Variants in ATP9A observed in about 807,000 individuals in gnomAD.
ATP9A encodes probable phospholipid-transporting ATPase IIA.
In ATP9A, 52 loss-of-function variants were observed where a neutral mutation model predicts 144.1. That is an observed-to-expected ratio of 0.36 (90% confidence interval 0.29 to 0.45). The LOEUF (loss-of-function observed/expected upper bound fraction) is 0.45, where lower values mean the gene tolerates loss of function less well. ATP9A is among the 20% of genes least tolerant of loss of function. ATP9A has a pLI of 1.00. For missense variants in ATP9A, 947 were observed against 1,392.7 expected, an observed-to-expected ratio of 0.68 and a Z score of 5.09; for synonymous variants, 582 against 557.4, an observed-to-expected ratio of 1.04 and a Z score of -0.62.
chr20:51,629,296 A>G (rs1427854660), intron 15 of ATP9A, among the ~76,000 whole-genome samples: 2 of 152,270 alleles, frequency 1.3e-5, no homozygotes, highest in African/African-American at 2.4e-5. Flanking sequence ...ATGATGAAAG[A>G]AAGATCAAAT....
chr20:51,608,584 G>A lies in ATP9A; in HGVS notation c.2679C>T (p.Val893=). The A allele has an allele frequency of 6.2e-7, 1 of 1,613,688 alleles. No homozygotes were observed. The highest frequency in any genetic ancestry group is 1.1e-5 in the South Asian group (1 of 91,066). ...CTTCCGATTTGACATCTTTGTCCAGGACCAGAGAAAACACAGGAAACATGG... is the reference window on the plus strand; with the variant it reads ...CTTCCGATTTGACATCTTTGTCCAGAACCAGAGAAAACACAGGAAACATGG... ...IYTMFPVFSL[V]LDKDVKSEVA... is the part of the protein sequence containing the mutation. Residue 893 remains valine, a synonymous_variant, in exon 25 of 28, where the codon GTC becomes GTT. Transcript: ENST00000338821.
chr20:51,753,271 CCT>C (rs1456939809), intron 1 of ATP9A, among the ~76,000 whole-genome samples: 1 of 151,972 alleles, frequency 6.6e-6, no homozygotes, highest in Non-Finnish European at 1.5e-5. Flanking sequence ...ATGGCAAAAC[CCT>C]GTCTCTATTA....
chr20:51,606,020 A>G (rs1568781683), intron 26 of ATP9A, among the ~76,000 whole-genome samples: 1 of 152,228 alleles, frequency 6.6e-6, no homozygotes, highest in Non-Finnish European at 1.5e-5. Flanking sequence ...CTGTAATCCC[A>G]ACACTTTGGG....
chr20:51,741,053 A>T (rs1242588115), intron 1 of ATP9A, among the ~76,000 whole-genome samples: 2 of 151,534 alleles, frequency 1.3e-5, no homozygotes, highest in African/African-American at 4.9e-5. Context: ...TTAAAAATAA[A>T]TTTTAATTAA....
Position 51,729,767 on chromosome 20 carries a change from A to G in ATP9A, c.213+67T>C, listed in dbSNP as rs986062471. ...CTAAAAAATAACATGACATGACATA[A>G]CATCTGTACCAATGCATGTATTTGT... On this transcript the variant is annotated intron_variant, in intron 2 of 27. Transcript: ENST00000338821. The G allele has an allele frequency of 3.5e-6, 5 of 1,428,050 alleles. No homozygotes were observed. The African/African-American group carries it at 7.3e-5, about 21-fold the overall frequency. The allele number at this position is 1,428,050 out of a possible 1,614,324, so 88.5% of individuals were successfully genotyped here.
At position 51,701,927 on chromosome 20, in the gene ATP9A, G is replaced by A. The variant is rs531209188; in HGVS notation, c.437-4445C>T. ...CCCAATCCTAGCACTTTGGGAGGCC[G>A]AGGCGGGTGGATTGCTTGAGCCCAG... On this transcript the variant is annotated intron_variant, in intron 4 of 27. Transcript: ENST00000338821. Among the ~76,000 whole-genome samples the A allele has an allele frequency of 9.2e-5, 14 of 152,238 alleles. No individual in the cohort carries two copies. In the South Asian group the frequency reaches 2.3e-3, roughly 25 times the overall value.
intron 1 of ATP9A, among the ~76,000 whole-genome samples, chr20:51,754,083 T>C (rs956377783): frequency 1.4e-5 from 2 of 146,910 alleles, no homozygotes; most frequent in African/African-American, 4.9e-5. Context: ...AAGAAGAGAG[T>C]GCCTGGCCAG....
At chr20:51,753,976 C>A (rs2077844851) in intron 1 of ATP9A, among the ~76,000 whole-genome samples, 1 of 151,830 alleles carries the variant, frequency 6.6e-6, no homozygotes, top group Non-Finnish European at 1.5e-5. Context: ...CCGGCCTGTT[C>A]TCTCATTTTT....
At chr20:51,745,973 A>T (rs1386377004) in intron 1 of ATP9A, among the ~76,000 whole-genome samples, 1 of 152,254 alleles carries the variant, frequency 6.6e-6, no homozygotes, top group Non-Finnish European at 1.5e-5. Context: ...TGTAGTACAT[A>T]TGCACATGGA....
intron 1 of ATP9A, among the ~76,000 whole-genome samples, chr20:51,731,772 C>T (rs950939449): frequency 1.4e-4 from 22 of 152,118 alleles, no homozygotes; most frequent in Middle Eastern, 3.4e-3. Context: ...TTTGCAGAGA[C>T]GTAAGAAACA....
At chr20:51,703,153 T>C (rs952297425) in intron 4 of ATP9A, among the ~76,000 whole-genome samples, 3 of 152,328 alleles carry the variant, frequency 2.0e-5, no homozygotes, top group East Asian at 3.9e-4. Context: ...CTGATCTTAA[T>C]ACTTTTTGAA....
intron 9 of ATP9A, among the ~76,000 whole-genome samples, chr20:51,678,705 G>A (rs1327314805): frequency 6.6e-6 from 1 of 152,240 alleles, no homozygotes; most frequent in African/African-American, 2.4e-5. Context: ...CTCCTATGCA[G>A]ATGCAGCTCA....
chr20:51,733,121 G>A (rs1170632457), intron 1 of ATP9A, among the ~76,000 whole-genome samples: 1 of 152,136 alleles, frequency 6.6e-6, no homozygotes, highest in Non-Finnish European at 1.5e-5. Flanking sequence ...TCCGGTTACA[G>A]TTATGCTATT....
chr20:51,603,651 C>T (rs1459540786), intron 27 of ATP9A, among the ~76,000 whole-genome samples: 1 of 152,140 alleles, frequency 6.6e-6, no homozygotes, highest in African/African-American at 2.4e-5. Flanking sequence ...GAGACAGTGG[C>T]TGACGCTGGA....
In ATP9A at chr20:51,725,840, G is replaced by C. The variant is rs773378534; in HGVS notation, c.306C>G (p.Leu102=). 1.2e-6 allele frequency: 2 copies of C among 1,609,262 alleles called. No individual in the cohort carries two copies. Among genetic ancestry groups the C allele is most frequent in the South Asian group, 1.1e-5 (1 of 90,994 alleles). ...TTACCAGGGGAACCCAGTAGGTATA[G>C]AGTGCACCAAGTCTCATTTCGGGAA... is the stretch of plus-strand genomic sequence containing the variant. ...QFVPEMRLGA[L]YTYWVPLGFV... The change falls in exon 3 of 28, where the codon CTC becomes CTG. Residue 102 remains leucine, a synonymous_variant. Coordinates refer to ENST00000338821, the MANE Select transcript of ATP9A (RefSeq NM_006045.3).
intron 4 of ATP9A, among the ~76,000 whole-genome samples, chr20:51,712,658 G>C (rs921482638): frequency 6.6e-6 from 1 of 152,160 alleles, no homozygotes; most frequent in South Asian, 2.1e-4. Flanking sequence ...TCAGCCAGGC[G>C]GCAGAACGGG....
rs1288948264 is a variant in ATP9A, at chr20:51,729,916, C to T, written c.131G>A (p.Gly44Glu). The change falls in exon 2 of 28, where the codon GGG becomes GAG. Residue 44 changes from glycine to glutamate, a missense_variant. Transcript: ENST00000338821. ...CCTCTGGTCTCTCTTCTCGGGGTGC[C>T]CCAGCCAGACAGTGCGGGGCCTGGC... ...GEARPRTVWL[G>E]HPEKRDQRYP... 1 of 1,604,806 alleles carries T rather than the reference C, an allele frequency of 6.2e-7. No homozygotes were observed. The highest frequency in any genetic ancestry group is 8.5e-7 in the Non-Finnish European group (1 of 1,177,306).
rs560720091 is a variant in ATP9A at position 51,736,609 on chromosome 20, C to T, written c.69-6631G>A. ...GCTCAAGCTATCCTCCTGACTCTTG[C>T]TTCCCTGAGAGCTGGGATTACAGGC... On this transcript the variant is annotated intron_variant, in intron 1 of 27. Coordinates refer to ENST00000338821, the MANE Select transcript of ATP9A (RefSeq NM_006045.3). Among the ~76,000 whole-genome samples the T allele has an allele frequency of 1.0e-3, 154 of 151,740 alleles. 1 individual carries two copies. In the South Asian group the frequency reaches 0.016, roughly 16 times the overall value.
chr20:51,648,107 C>T (rs990093971), intron 14 of ATP9A, among the ~76,000 whole-genome samples: 16 of 152,214 alleles, frequency 1.1e-4, no homozygotes, highest in African/African-American at 3.9e-4. Context: ...ACACTCCGAG[C>T]TCATTCATGC....
Sources: allele counts gnomAD v4.1 joint callset (sites outside exome capture counted in the v4.1 genomes callset), GRCh38; gene constraint gnomAD v4.1.1; transcripts MANE v1.5; gene names NCBI Gene and HGNC (gene_info 2026-07-23, HGNC 2026-07-21).